SYNPO2: variants seen among roughly 807,000 people sequenced by gnomAD.
SYNPO2 encodes synaptopodin 2, also known as synaptopodin-2.
A neutral mutation model predicts 85.0 loss-of-function variants in SYNPO2; 56 were observed. The observed-to-expected ratio is 0.66, with a 90% CI of 0.53 to 0.82. The LOEUF is 0.82. Among genes scored for constraint, SYNPO2 ranks in the 40% least tolerant of loss-of-function variants. SYNPO2 has a pLI of 0.00. For synonymous variants in SYNPO2, 602 were observed against 591.1 expected (o/e 1.02, Z -0.27); for missense variants, 1,575 against 1,534.2 (o/e 1.03, Z -0.44).
intron 1 of SYNPO2, among the ~76,000 whole-genome samples, chr4:118,877,971 A>G (rs1190629566): frequency 3.3e-5 from 5 of 152,244 alleles, no homozygotes; most frequent in Non-Finnish European, 5.9e-5. Flanking sequence ...ATGCCCGTCA[A>G]CATTAGACTG....
chr4:118,923,681 C>A (rs1187520483), intron 1 of SYNPO2, among the ~76,000 whole-genome samples: 1 of 152,122 alleles, frequency 6.6e-6, no homozygotes, highest in East Asian at 1.9e-4. Flanking sequence ...TGACCTGTAG[C>A]ATCTCTTCTA....
chr4:118,886,620 T>C (rs996198681), upstream of SYNPO2, among the ~76,000 whole-genome samples: 18 of 152,248 alleles, frequency 1.2e-4, no homozygotes, highest in African/African-American at 4.3e-4. Context: ...TTCCATGGTG[T>C]ATATGTGCCA....
At chr4:118,895,007 T>C (rs1392172660) in intron 1 of SYNPO2, among the ~76,000 whole-genome samples, 1 of 152,214 alleles carries the variant, frequency 6.6e-6, no homozygotes, top group Non-Finnish European at 1.5e-5. Flanking sequence ...GAACACGTGA[T>C]TGATATGAAC....
Position 119,007,260 on chromosome 4 carries a change from A to G in SYNPO2, c.106-16170A>G, listed in dbSNP as rs867565965. ...TATATATATATGTATATACATATAT[A>G]TATATATATATATATGTATATACAT... On this transcript the variant is annotated intron_variant, in intron 1 of 4. Coordinates refer to ENST00000307142, the MANE Select transcript of SYNPO2 (RefSeq NM_133477.3). Among the ~76,000 whole-genome samples, 40 of 37,026 alleles carry G rather than the reference A, an allele frequency of 1.1e-3. 2 individuals carry two copies. The highest frequency in any genetic ancestry group is 0.013 in the Middle Eastern group (1 of 78). 24.3% of individuals were successfully genotyped at this position (37,026 alleles called of 152,430 possible). A position where few individuals can be genotyped will look rare whatever the true frequency, so the allele number is the denominator to read the frequency against.
chr4:118,909,691 T>C (rs1560852523), intron 1 of SYNPO2, among the ~76,000 whole-genome samples: 1 of 152,150 alleles, frequency 6.6e-6, no homozygotes, highest in Non-Finnish European at 1.5e-5. Context: ...CTTATTCCTG[T>C]GCATGGAGGA....
chr4:118,946,526 G>A (rs17261423), intron 1 of SYNPO2, among the ~76,000 whole-genome samples: 15,243 of 151,892 alleles, frequency 0.1, 863 homozygotes, highest in East Asian at 0.16. Flanking sequence ...TCCACAGTCC[G>A]GCGATCAGAC....
chr4:119,003,316 T>A (rs564971258), intron 1 of SYNPO2, among the ~76,000 whole-genome samples: 161 of 152,202 alleles, frequency 1.1e-3, no homozygotes, highest in African/African-American at 3.8e-3. Context: ...TCAGATCTCA[T>A]GAGAACTCAC....
At chr4:119,022,258 G>T (rs1737750026) in intron 1 of SYNPO2, among the ~76,000 whole-genome samples, 1 of 152,110 alleles carries the variant, frequency 6.6e-6, no homozygotes, top group Admixed American at 6.6e-5. Context: ...CAATGGGAAG[G>T]ATTTTAAAAT....
intron 1 of SYNPO2, among the ~76,000 whole-genome samples, chr4:119,014,650 T>C (rs2149180934): frequency 6.6e-6 from 1 of 152,350 alleles, no homozygotes; most frequent in Non-Finnish European, 1.5e-5. Context: ...CTTAATTATT[T>C]TTAAGAGTCT....
At chr4:118,999,034 C>T (rs1736727261) in intron 1 of SYNPO2, among the ~76,000 whole-genome samples, 1 of 152,158 alleles carries the variant, frequency 6.6e-6, no homozygotes, top group African/African-American at 2.4e-5. Flanking sequence ...TTAGTTTTGT[C>T]TTCTGGAAAA....
At chr4:118,983,315 T>C (rs1335079060) in intron 1 of SYNPO2, among the ~76,000 whole-genome samples, 2 of 152,172 alleles carry the variant, frequency 1.3e-5, no homozygotes, top group Non-Finnish European at 2.9e-5. Flanking sequence ...TTCCAGCATC[T>C]ATTCTCTCTG....
chr4:119,048,223 G>A (rs568564213), intron 4 of SYNPO2, among the ~76,000 whole-genome samples: 2 of 152,282 alleles, frequency 1.3e-5, no homozygotes, highest in South Asian at 4.2e-4. Flanking sequence ...TATTGAAGGT[G>A]GTGGGGATAG....
At chr4:118,983,029 C>T (rs1247563340) in intron 1 of SYNPO2, among the ~76,000 whole-genome samples, 2 of 151,316 alleles carry the variant, frequency 1.3e-5, no homozygotes, top group African/African-American at 2.4e-5. Flanking sequence ...CCTCCCAAGT[C>T]AATATCCTAT....
Position 119,030,344 on chromosome 4 carries a change from T to C in SYNPO2, c.1569T>C (p.Asp523=), listed in dbSNP as rs1426430557. ...GTGGAACGCCAAGCAGAGAACAAGA[T>C]GCTGCCCAGACCGATGGCCTGAGAA... ...KVGGTPSREQ[D]AAQTDGLRTT... is the part of the protein sequence containing the mutation. Residue 523 remains aspartate, a synonymous_variant, in exon 4 of 5, where the codon GAT becomes GAC. Transcript: ENST00000307142. The C allele has an allele frequency of 1.2e-6, 2 of 1,613,862 alleles. No homozygotes were observed. Among genetic ancestry groups the C allele is most frequent in the Non-Finnish European group, 8.5e-7 (1 of 1,180,004 alleles).
At chr4:118,923,675 C>T (rs1463080323) in intron 1 of SYNPO2, among the ~76,000 whole-genome samples, 1 of 152,058 alleles carries the variant, frequency 6.6e-6, no homozygotes, top group Non-Finnish European at 1.5e-5. Context: ...ATTAGCTGAC[C>T]TGTAGCATCT....
intron 1 of SYNPO2, among the ~76,000 whole-genome samples, chr4:118,946,917 T>A (rs1734524054): frequency 1.3e-5 from 2 of 152,210 alleles, no homozygotes; most frequent in Non-Finnish European, 2.9e-5. Flanking sequence ...GCTTGGACTT[T>A]TGGGTCAAGC....
chr4:119,043,347 A>G (rs1361087075), intron 4 of SYNPO2: 2 of 152,198 alleles, frequency 1.3e-5, no homozygotes, highest in African/African-American at 2.4e-5. Context: ...TATCCATAGC[A>G]GTTAAGAGGG....
chr4:118,905,549 A>G (rs1201563325), intron 1 of SYNPO2, among the ~76,000 whole-genome samples: 2 of 152,162 alleles, frequency 1.3e-5, no homozygotes, highest in Admixed American at 6.6e-5. Flanking sequence ...TAGTATGGAA[A>G]GTTATTTCAC....
At chr4:119,023,875 T>C (rs1028001034) in intron 2 of SYNPO2, among the ~76,000 whole-genome samples, 7 of 152,246 alleles carry the variant, frequency 4.6e-5, no homozygotes, top group African/African-American at 1.7e-4. Flanking sequence ...CATAACTTAA[T>C]ATTTCTTTGA....
Sources: allele counts gnomAD v4.1 joint callset (sites outside exome capture counted in the v4.1 genomes callset), GRCh38; gene constraint gnomAD v4.1.1; transcripts MANE v1.5; gene names NCBI Gene and HGNC (gene_info 2026-07-23, HGNC 2026-07-21).